Variants in SGMS2 observed in about 807,000 individuals in gnomAD.
SGMS2 encodes the protein sphingomyelin synthase 2, also known as phosphatidylcholine:ceramide cholinephosphotransferase 2.
SGMS2 carries 21 observed loss-of-function variants against 43.8 expected under a neutral mutation model. The ratio of observed to expected loss-of-function variants is 0.48; its 90% confidence interval spans 0.34 to 0.69. The LOEUF is 0.69. Among genes scored for constraint, SGMS2 ranks in the 30% least tolerant of loss-of-function variants. The probability of loss-of-function intolerance (pLI) is 0.01; values close to 1 mark genes in which losing one functional copy is unlikely to be tolerated. For missense variants in SGMS2, 384 were observed against 443.2 expected (o/e 0.87, Z 1.20); for synonymous variants, 167 against 160.6 (o/e 1.04, Z -0.30).
rs900703478 is a variant in SGMS2 at position 107,912,588 on chromosome 4, C to T, written c.*2035C>T. ...CCTAACACTGGTGTTTTCCTTGAGC[C>T]TCTAATTCAAATAAAACAAACTGAT... is the stretch of plus-strand genomic sequence containing the variant. On this transcript the variant is annotated 3_prime_UTR_variant, in exon 7 of 7. Coordinates refer to ENST00000690982, the MANE Select transcript of SGMS2 (RefSeq NM_001375905.1). 5.9e-5 allele frequency: 9 copies of T among 152,052 alleles called. No homozygotes were observed. Among genetic ancestry groups the T allele is most frequent in the African/African-American group, 2.2e-4 (9 of 41,386 alleles). The allele number at this position is 152,052 out of a possible 1,614,324, so 9.4% of individuals were successfully genotyped here.
chr4:107,867,148 T>A (rs1728189903), intron 2 of SGMS2: 2 of 152,080 alleles, frequency 1.3e-5, no homozygotes, highest in South Asian at 2.1e-4. Flanking sequence ...TCCCCAAGAC[T>A]CTCTGTACTG....
intron 2 of SGMS2, among the ~76,000 whole-genome samples, chr4:107,878,826 C>A (rs1441356946): frequency 1.3e-5 from 2 of 152,108 alleles, no homozygotes; most frequent in East Asian, 3.9e-4. Flanking sequence ...AGCCTCACAG[C>A]TAGGAAATGT....
rs2126171277 is a variant in SGMS2, at chr4:107,911,284, C to T, written c.*731C>T. Reference sequence around the variant, plus strand: ...CACTTTAAAATCTCTATGACAGATACACAGGAAACATGAGATGGTTTCTGC... The same window carrying T: ...CACTTTAAAATCTCTATGACAGATATACAGGAAACATGAGATGGTTTCTGC... On this transcript the variant is annotated 3_prime_UTR_variant, in exon 7 of 7. Coordinates refer to ENST00000690982, the MANE Select transcript of SGMS2 (RefSeq NM_001375905.1). 6.6e-6 allele frequency: 1 copy of T among 152,286 alleles called. No homozygotes were observed. The highest frequency in any genetic ancestry group is 1.5e-5 in the Non-Finnish European group (1 of 68,024). 9.4% of individuals were successfully genotyped at this position (152,286 alleles called of 1,614,324 possible). A position where few individuals can be genotyped will look rare whatever the true frequency, so the allele number is the denominator to read the frequency against.
intron 2 of SGMS2, chr4:107,894,404 C>T (rs536488589): frequency 6.6e-6 from 1 of 152,462 alleles, no homozygotes; most frequent in Non-Finnish European, 1.5e-5. Context: ...TGCCCCGTGT[C>T]CGAAAGAAGT....
Position 107,909,793 on chromosome 4 carries a change from T to C in SGMS2, c.895-557T>C, listed in dbSNP as rs913966114. 6.4e-4 allele frequency among the ~76,000 whole-genome samples: 98 copies of C among 152,252 alleles called. 2 individuals carry two copies. Among genetic ancestry groups the C allele is most frequent in the Non-Finnish European group, 1.5e-4 (10 of 68,036 alleles). On this transcript the variant is annotated intron_variant, in intron 6 of 6. Transcript: ENST00000690982. ...GTCAATTTGGAGAATTTGTGAGCAA[T>C]TGAAATATTACATTTCCAAAGGATC...
chr4:107,850,470 A>G (rs1727074795), intron 1 of SGMS2, among the ~76,000 whole-genome samples: 1 of 152,214 alleles, frequency 6.6e-6, no homozygotes, highest in African/African-American at 2.4e-5. Context: ...AGCAAGCTTT[A>G]GACTCTTTAT....
chr4:107,853,489 A>T (rs751612431), intron 1 of SGMS2, among the ~76,000 whole-genome samples: 1 of 152,104 alleles, frequency 6.6e-6, no homozygotes, highest in Non-Finnish European at 1.5e-5. Context: ...AGCCATATCC[A>T]TGGACTCTGC....
chr4:107,867,195 G>A lies in SGMS2; in HGVS notation c.-245+8642G>A, dbSNP rs141013034. The A allele has an allele frequency of 2.6e-5, 4 of 152,322 alleles. No homozygotes were observed. In the East Asian group the frequency reaches 7.7e-4, roughly 29 times the overall value. 9.4% of individuals were successfully genotyped at this position (152,322 alleles called of 1,614,324 possible). Reference sequence around the variant, plus strand: ...TCTCCTCCACATAGTTCACAACACAGATGAAGGGTGTACTCCTTCTCTCCT... The same window carrying A: ...TCTCCTCCACATAGTTCACAACACAAATGAAGGGTGTACTCCTTCTCTCCT... On this transcript the variant is annotated intron_variant, in intron 2 of 6. Transcript: ENST00000690982.
intron 2 of SGMS2, among the ~76,000 whole-genome samples, chr4:107,871,069 T>C (rs1445561909): frequency 6.6e-6 from 1 of 152,186 alleles, no homozygotes; most frequent in Non-Finnish European, 1.5e-5. Flanking sequence ...TCTAAGCCCA[T>C]TTCACCCTTT....
In SGMS2 at chr4:107,845,624, T is replaced by C. The variant is rs147384405; in HGVS notation, c.-326-12848T>C. 1.5e-3 allele frequency among the ~76,000 whole-genome samples: 222 copies of C among 152,294 alleles called. 2 individuals are homozygous for C. Among genetic ancestry groups the C allele is most frequent in the African/African-American group, 4.9e-3 (204 of 41,554 alleles). On this transcript the variant is annotated intron_variant, in intron 1 of 6. Coordinates refer to ENST00000690982, the MANE Select transcript of SGMS2 (RefSeq NM_001375905.1). ...GACAAGCAGCTACTAAACCCTTTAA[T>C]TAGGGGCACTATTAAAGTGAATCTT...
chr4:107,890,940 G>T (rs186167042), intron 2 of SGMS2, among the ~76,000 whole-genome samples: 9 of 152,114 alleles, frequency 5.9e-5, no homozygotes, highest in Admixed American at 3.3e-4. Context: ...CAAAACTCAG[G>T]CTGTCATGGT....
chr4:107,837,258 T>G (rs902135621), intron 1 of SGMS2, among the ~76,000 whole-genome samples: 2 of 152,112 alleles, frequency 1.3e-5, no homozygotes, highest in Non-Finnish European at 2.9e-5. Context: ...GATAGGATGA[T>G]AGGCAAGTAA....
At chr4:107,826,426 G>T (rs533806520) in intron 1 of SGMS2, among the ~76,000 whole-genome samples, 14 of 152,168 alleles carry the variant, frequency 9.2e-5, no homozygotes, top group Admixed American at 9.2e-4. Context: ...GAAGGTTATG[G>T]TTTCCATCCT....
In SGMS2 at chr4:107,912,100, A is replaced by G. The variant is rs199694696; in HGVS notation, c.*1547A>G. 1.2e-4 allele frequency: 18 copies of G among 152,280 alleles called. No homozygotes were observed. In the East Asian group the frequency reaches 2.3e-3, roughly 20 times the overall value. 9.4% of individuals were successfully genotyped at this position (152,280 alleles called of 1,614,324 possible). A position where few individuals can be genotyped will look rare whatever the true frequency, so the allele number is the denominator to read the frequency against. On this transcript the variant is annotated 3_prime_UTR_variant, in exon 7 of 7. Transcript: ENST00000690982. ...TATCATTATAAACTAGTCAGCCTTG[A>G]CTACACAAAATTGACCTTTAAGTTG...
intron 6 of SGMS2, among the ~76,000 whole-genome samples, chr4:107,909,272 A>G (rs1731901398): frequency 6.6e-6 from 1 of 151,912 alleles, no homozygotes; most frequent in African/African-American, 2.4e-5. Flanking sequence ...CGCCTGGCTA[A>G]TTTTTATTTT....
At chr4:107,886,630 C>A (rs1162144735) in intron 2 of SGMS2, 1 of 152,086 alleles carries the variant, frequency 6.6e-6, no homozygotes, top group African/African-American at 2.4e-5. Context: ...AAGCTTGGAG[C>A]TCCTAGGCCT....
intron 1 of SGMS2, among the ~76,000 whole-genome samples, chr4:107,838,470 AT>A (rs1726321306): frequency 6.6e-6 from 1 of 152,026 alleles, no homozygotes; most frequent in Admixed American, 6.6e-5. Context: ...ATATTAAAAT[AT>A]TTTGAAATAA....
Position 107,912,886 on chromosome 4 carries a change from CGAGTT to C in SGMS2, c.*2337_*2341del. ...CGCATGTGTCGTATAGCTCTGTCAT[CGAGTT>C]GAGGAAGTCCATGGTTTGCAAATAA... On this transcript the variant is annotated 3_prime_UTR_variant, in exon 7 of 7. Transcript: ENST00000690982. 1 of 151,920 alleles carries C rather than the reference CGAGTT, an allele frequency of 6.6e-6. No homozygotes were observed. Among genetic ancestry groups the C allele is most frequent in the African/African-American group, 2.4e-5 (1 of 41,442 alleles). The allele number at this position is 151,920 out of a possible 1,614,324, so 9.4% of individuals were successfully genotyped here.
At chr4:107,879,852 T>C in intron 2 of SGMS2, among the ~76,000 whole-genome samples, 1 of 152,178 alleles carries the variant, frequency 6.6e-6, no homozygotes, top group East Asian at 1.9e-4. Flanking sequence ...TTTAATAAAC[T>C]TACAGAATTA....
Sources: allele counts gnomAD v4.1 joint callset (sites outside exome capture counted in the v4.1 genomes callset), GRCh38; gene constraint gnomAD v4.1.1; transcripts MANE v1.5; gene names NCBI Gene and HGNC (gene_info 2026-07-23, HGNC 2026-07-21).